Variants in MOSMO observed in about 807,000 individuals in gnomAD.
The protein encoded by MOSMO is modulator of smoothened.
Under a neutral mutation model 18.4 loss-of-function variants are expected in MOSMO, and 5 were observed. The observed-to-expected ratio is 0.27, with a 90% CI of 0.14 to 0.57. The LOEUF (loss-of-function observed/expected upper bound fraction) is 0.57. Among genes scored for constraint, MOSMO ranks in the 20% least tolerant of loss-of-function variants. MOSMO has a pLI of 0.92. For synonymous variants in MOSMO, 82 were observed against 82.3 expected (o/e 1.00, Z 0.02); for missense variants, 138 against 211.8 (o/e 0.65, Z 2.16).
intron 1 of MOSMO, among the ~76,000 whole-genome samples, chr16:22,026,873 T>TTCC (rs1223686883): frequency 6.6e-6 from 1 of 152,222 alleles, no homozygotes; most frequent in Non-Finnish European, 1.5e-5. Context: ...GTTAAACTGT[T>TTCC]CAGGAATTTA....
intron 1 of MOSMO, among the ~76,000 whole-genome samples, chr16:22,072,827 T>A (rs1053344158): frequency 2.6e-5 from 4 of 151,070 alleles, no homozygotes; most frequent in Admixed American, 6.6e-5. Flanking sequence ...AAAAAAAGTG[T>A]ATTGATTTTC....
intron 1 of MOSMO, among the ~76,000 whole-genome samples, chr16:22,019,190 A>G (rs1899702618): frequency 6.6e-6 from 1 of 152,198 alleles, no homozygotes; most frequent in African/African-American, 2.4e-5. Flanking sequence ...AAGACACTCA[A>G]GGATTTTCAC....
chr16:22,045,880 C>CTT (rs34664753), intron 1 of MOSMO, among the ~76,000 whole-genome samples: 10 of 145,612 alleles, frequency 6.9e-5, no homozygotes, highest in South Asian at 6.4e-4. Flanking sequence ...CACTAGAACT[C>CTT]TTTTTTTTTT....
chr16:22,010,635 A>G (rs950179498), intron 1 of MOSMO, among the ~76,000 whole-genome samples: 7 of 152,158 alleles, frequency 4.6e-5, no homozygotes, highest in African/African-American at 1.4e-4. Context: ...GGAAAAGGGC[A>G]TAGCCGGGCG....
intron 1 of MOSMO, among the ~76,000 whole-genome samples, chr16:22,036,544 C>T (rs141111883): frequency 1.3e-5 from 2 of 152,250 alleles, no homozygotes; most frequent in African/African-American, 4.8e-5. Flanking sequence ...AACTTCTGTG[C>T]TCAAGTGATG....
chr16:22,075,069 A>T (rs1389408489), intron 1 of MOSMO, among the ~76,000 whole-genome samples: 3 of 152,170 alleles, frequency 2.0e-5, no homozygotes, highest in African/African-American at 7.2e-5. Context: ...TTTTCAGCCA[A>T]AATGAAGTCA....
At chr16:22,062,866 C>T (rs1310649413) in intron 1 of MOSMO, among the ~76,000 whole-genome samples, 1 of 151,934 alleles carries the variant, frequency 6.6e-6, no homozygotes, top group African/African-American at 2.4e-5. Context: ...GGTCTTTTTT[C>T]TTTTGAGATG....
At chr16:22,077,235 G>A (rs550567134) in intron 2 of MOSMO, among the ~76,000 whole-genome samples, 17 of 152,108 alleles carry the variant, frequency 1.1e-4, no homozygotes, top group African/African-American at 3.1e-4. Flanking sequence ...AGTGTGAGTC[G>A]AAACGTTATA....
At chr16:22,069,753 A>C (rs1900811915) in intron 1 of MOSMO, among the ~76,000 whole-genome samples, 1 of 152,178 alleles carries the variant, frequency 6.6e-6, no homozygotes, top group Non-Finnish European at 1.5e-5. Context: ...TGGGAAGTGA[A>C]GGCAGCAGAG....
intron 1 of MOSMO, among the ~76,000 whole-genome samples, chr16:22,050,000 A>G (rs1193620645): frequency 6.6e-6 from 1 of 152,140 alleles, no homozygotes; most frequent in African/African-American, 2.4e-5. Context: ...ATGGTTGGAG[A>G]GCTCACCTTG....
intron 1 of MOSMO, among the ~76,000 whole-genome samples, chr16:22,071,957 A>G (rs1900861330): frequency 6.6e-6 from 1 of 152,220 alleles, no homozygotes; most frequent in East Asian, 1.9e-4. Context: ...TTTTTAATAC[A>G]TTTAAACTCA....
chr16:22,020,444 G>A (rs1262280997), intron 1 of MOSMO, among the ~76,000 whole-genome samples: 5 of 151,162 alleles, frequency 3.3e-5, no homozygotes, highest in Non-Finnish European at 7.4e-5. Flanking sequence ...ACAGGCATGC[G>A]CCACCACGCC....
chr16:22,075,730 A>G (rs1440757098), intron 2 of MOSMO, 31 bp downstream of exon 2: 2 of 1,383,442 alleles, frequency 1.4e-6, no homozygotes, highest in African/African-American at 3.1e-5. Flanking sequence ...AAATTTGTCT[A>G]GAAGGCACCC....
intron 1 of MOSMO, among the ~76,000 whole-genome samples, chr16:22,069,734 A>C (rs1488976621): frequency 6.6e-6 from 1 of 152,156 alleles, no homozygotes; most frequent in Non-Finnish European, 1.5e-5. Flanking sequence ...TGAAGAGTGA[A>C]TGAGACTCTG....
At chr16:22,050,325 G>A (rs1900396856) in intron 1 of MOSMO, among the ~76,000 whole-genome samples, 1 of 152,108 alleles carries the variant, frequency 6.6e-6, no homozygotes, top group Non-Finnish European at 1.5e-5. Flanking sequence ...TACCTTTCAG[G>A]TTAAATACAA....
At chr16:22,068,823 C>T (rs545771156) in intron 1 of MOSMO, among the ~76,000 whole-genome samples, 1 of 152,164 alleles carries the variant, frequency 6.6e-6, no homozygotes, top group East Asian at 1.9e-4. Flanking sequence ...CTGCTATGAA[C>T]ATTCATATAT....
intron 1 of MOSMO, among the ~76,000 whole-genome samples, chr16:22,021,659 G>C (rs999435100): frequency 6.6e-6 from 1 of 151,992 alleles, no homozygotes; most frequent in African/African-American, 2.4e-5. Context: ...TTAACCCGGC[G>C]TGATGGCGTG....
chr16:22,019,247 T>C (rs944713603), intron 1 of MOSMO, among the ~76,000 whole-genome samples: 37 of 152,224 alleles, frequency 2.4e-4, no homozygotes, highest in African/African-American at 8.4e-4. Flanking sequence ...ATCCTGCTTT[T>C]TTCCCCGCAT....
chr16:22,069,847 C>T (rs1039513571), intron 1 of MOSMO, among the ~76,000 whole-genome samples: 8 of 152,030 alleles, frequency 5.3e-5, no homozygotes, highest in Non-Finnish European at 7.4e-5. Context: ...CCCTGGAGGA[C>T]GTGTTGGCAT....
Sources: gnomAD v4.1 joint callset for allele counts (sites outside exome capture counted in the v4.1 genomes callset) on GRCh38, gnomAD v4.1.1 for gene constraint, MANE v1.5 for transcripts, NCBI Gene and HGNC (gene_info 2026-07-23, HGNC 2026-07-21) for gene names.